Variants in DOCK5 observed in about 807,000 individuals in gnomAD.
DOCK5 encodes the protein dedicator of cytokinesis 5.
A neutral mutation model predicts 251.8 loss-of-function variants in DOCK5; 142 were observed. That is an observed-to-expected ratio of 0.56 (90% CI 0.49 to 0.65). The LOEUF is 0.65. DOCK5 is among the 30% of genes least tolerant of loss of function. The pLI is 0.00. For synonymous variants in DOCK5, 842 were observed against 835.5 expected (o/e 1.01, Z -0.13); for missense variants, 2,111 against 2,312.3 (o/e 0.91, Z 1.79).
At position 25,345,715 on chromosome 8, in the gene DOCK5, C is replaced by T. The variant is rs77158594; in HGVS notation, c.2754+104C>T. On this transcript the variant is annotated intron_variant, in intron 26 of 51. Transcript: ENST00000276440. ...CCTATTCTCAGGTAGTTTCCAGCTCCGGTATTAGGGCAGGCTGTGCCCATT... is the reference window on the plus strand; with the variant it reads ...CCTATTCTCAGGTAGTTTCCAGCTCTGGTATTAGGGCAGGCTGTGCCCATT... The T allele has an allele frequency of 3.6e-3, 5,334 of 1,492,392 alleles. 178 individuals carry two copies. In the African/African-American group the frequency reaches 0.065, roughly 18 times the overall value. 92.4% of individuals were successfully genotyped at this position (1,492,392 alleles called of 1,614,324 possible).
At chr8:25,297,368 C>T (rs1163278880) in intron 7 of DOCK5, among the ~76,000 whole-genome samples, 4 of 152,168 alleles carry the variant, frequency 2.6e-5, no homozygotes, top group Admixed American at 6.5e-5. Flanking sequence ...AGCTGTTCTC[C>T]TGCCTCAGCC....
rs1418652674 is a variant in DOCK5, at chr8:25,321,005, C to T, written c.1568C>T (p.Thr523Ile). 2.5e-6 allele frequency: 4 copies of T among 1,613,440 alleles called. No homozygotes were observed. Among genetic ancestry groups the T allele is most frequent in the Non-Finnish European group, 3.4e-6 (4 of 1,179,722 alleles). The change falls in exon 16 of 52, where the codon ACA (threonine) becomes ATA (isoleucine). Residue 523 changes from threonine to isoleucine, a missense_variant. By Grantham distance (89) the Thr-to-Ile change is moderately conservative. Around this residue, in one of 3 missense-constraint regions of DOCK5, gnomAD observed 1,717 missense variants for 1,892.4 expected, o/e 0.91. Coordinates refer to ENST00000276440, the MANE Select transcript of DOCK5 (RefSeq NM_024940.8). The stretch of plus-strand genomic sequence containing the variant: ...GTATCCATTGCTATAGAAGAAGTCA[C>T]ACGCTGTCATATAAGATTTACCTTC... The part of the protein sequence containing the change: ...VKVSIAIEEV[T>I]RCHIRFTFRH...
At chr8:25,306,329 CATAAT>C (rs1804924081) in intron 11 of DOCK5, among the ~76,000 whole-genome samples, 2 of 152,072 alleles carry the variant, frequency 1.3e-5, no homozygotes, top group African/African-American at 4.8e-5. Flanking sequence ...TTGTTTTGTG[CATAAT>C]ATAAAACACT....
chr8:25,390,285 AAAGT>A lies in DOCK5; in HGVS notation c.4355+3_4355+6del, dbSNP rs1353297061. ...ATAAACCTGTTCCAGAGCAGATCTT[AAAGT>A]AAGTGGTTTTTCATTTAAAAAAAAA... is the stretch of plus-strand genomic sequence containing the variant. On this transcript the variant is annotated splice_donor_variant and coding_sequence_variant, in exon 42 of 52. Coordinates refer to ENST00000276440, the MANE Select transcript of DOCK5 (RefSeq NM_024940.8). LOFTEE classifies it high-confidence loss of function. 2 of 1,567,520 alleles carry A rather than the reference AAAGT, an allele frequency of 1.3e-6. No individual in the cohort carries two copies. Among genetic ancestry groups the A allele is most frequent in the Admixed American group, 1.9e-5 (1 of 52,834 alleles).
At chr8:25,266,924 G>A (rs545814095) in intron 2 of DOCK5, among the ~76,000 whole-genome samples, 74 of 152,226 alleles carry the variant, frequency 4.9e-4, no homozygotes, top group African/African-American at 1.7e-3. Flanking sequence ...GTTTACAAAC[G>A]TACAGATAAA....
Position 25,261,430 on chromosome 8 carries a change from C to T in DOCK5, c.128-7415C>T, listed in dbSNP as rs111679903. Among the ~76,000 whole-genome samples the T allele has an allele frequency of 4.0e-3, 604 of 152,234 alleles. 6 individuals carry two copies. Among genetic ancestry groups the T allele is most frequent in the African/African-American group, 0.014 (573 of 41,528 alleles). On this transcript the variant is annotated intron_variant, in intron 2 of 51. Coordinates refer to ENST00000276440, the MANE Select transcript of DOCK5 (RefSeq NM_024940.8). ...ATGTCTTTGGGAAGACAAAATACCA[C>T]GTAAAGTAATGGAGAAATAGTTCTG...
chr8:25,225,891 G>A (rs992003095), intron 1 of DOCK5, among the ~76,000 whole-genome samples: 1 of 152,166 alleles, frequency 6.6e-6, no homozygotes, highest in Non-Finnish European at 1.5e-5. Flanking sequence ...GTGGGAGTCT[G>A]GAGAGTGAAT....
chr8:25,268,153 G>T (rs1403603133), intron 2 of DOCK5, among the ~76,000 whole-genome samples: 2 of 151,994 alleles, frequency 1.3e-5, no homozygotes, highest in African/African-American at 4.8e-5. Flanking sequence ...GAGCCACCGT[G>T]CCCGGCTGGA....
chr8:25,221,884 C>G (rs192334951), intron 1 of DOCK5, among the ~76,000 whole-genome samples: 74 of 152,278 alleles, frequency 4.9e-4, no homozygotes, highest in African/African-American at 1.8e-3. Context: ...TATATCCAGG[C>G]TCACCTAATG....
At position 25,342,465 on chromosome 8, in the gene DOCK5, T is replaced by C; in HGVS notation, c.2575T>C (p.Cys859Arg). 1 of 1,600,872 alleles carries C rather than the reference T, an allele frequency of 6.2e-7. No individual in the cohort carries two copies. The highest frequency in any genetic ancestry group is 8.5e-7 in the Non-Finnish European group (1 of 1,172,678). The change falls in exon 25 of 52, where the codon TGC becomes CGC. Residue 859 changes from cysteine (C) to arginine (R), a missense_variant. Cys to Arg is a radical substitution (Grantham distance 180, BLOSUM62 -3). Coordinates refer to ENST00000276440, the MANE Select transcript of DOCK5 (RefSeq NM_024940.8). ...CCAGCTGGTTCGGCAGAAACTTAAC[T>C]GCATGACCAAGATAGTAGAGAGCAC... ...DNQLVRQKLN[C>R]MTKIVESTLF...
Position 25,310,566 on chromosome 8 carries a change from C to T in DOCK5, c.1318+34C>T, listed in dbSNP as rs374320169. On this transcript the variant is annotated intron_variant, in intron 13 of 51. Transcript: ENST00000276440. ...TTTGCATGGCTCACCTGTTTGCTTC[C>T]TCCTGTTCAGCGATTATTTCTTATT... 2,242 of 1,567,130 alleles carry T rather than the reference C, an allele frequency of 1.4e-3. 5 individuals carry two copies. Among genetic ancestry groups the T allele is most frequent in the Non-Finnish European group, 1.7e-3 (1,998 of 1,156,684 alleles).
In DOCK5 at chr8:25,400,102, T is replaced by G; in HGVS notation, c.4788+108T>G. The G allele has an allele frequency of 9.4e-6, 8 of 853,232 alleles. No individual in the cohort carries two copies. The South Asian group carries it at 1.3e-4, about 14-fold the overall frequency. The allele number at this position is 853,232 out of a possible 1,614,324, so 52.9% of individuals were successfully genotyped here. On this transcript the variant is annotated intron_variant, in intron 46 of 51. Coordinates refer to ENST00000276440, the MANE Select transcript of DOCK5 (RefSeq NM_024940.8). ...CCACTCAGGGTGACTTTTCTTTCTTTTTTTAACCCTTGTGAAAGCACCACC... is the reference window on the plus strand; with the variant it reads ...CCACTCAGGGTGACTTTTCTTTCTTGTTTTAACCCTTGTGAAAGCACCACC...
chr8:25,373,001 ATTTTT>A (rs36091443), intron 35 of DOCK5, among the ~76,000 whole-genome samples: 1 of 141,356 alleles, frequency 7.1e-6, no homozygotes. Flanking sequence ...AGTTTTGGGG[ATTTTT>A]TTTTTTTTTT....
At chr8:25,346,799 G>A (rs112824069) in intron 26 of DOCK5, among the ~76,000 whole-genome samples, 1 of 150,810 alleles carries the variant, frequency 6.6e-6, no homozygotes, top group Non-Finnish European at 1.5e-5. Context: ...ACTCCAGCCT[G>A]GGTAATAGAT....
intron 22 of DOCK5, among the ~76,000 whole-genome samples, chr8:25,339,814 A>G (rs1805905275): frequency 6.6e-6 from 1 of 152,214 alleles, no homozygotes; most frequent in Admixed American, 6.5e-5. Context: ...TTGGGGGACA[A>G]CTAGAGAAGT....
chr8:25,356,424 G>A (rs1281912551), intron 27 of DOCK5, among the ~76,000 whole-genome samples: 1 of 152,118 alleles, frequency 6.6e-6, no homozygotes, highest in Non-Finnish European at 1.5e-5. Flanking sequence ...CTAGCACTTC[G>A]GGAGGCTGAA....
At chr8:25,259,167 A>G (rs1012552271) in intron 2 of DOCK5, among the ~76,000 whole-genome samples, 3 of 152,176 alleles carry the variant, frequency 2.0e-5, no homozygotes, top group Non-Finnish European at 4.4e-5. Context: ...ATAAAGCCAG[A>G]AGACTTATCT....
intron 13 of DOCK5, among the ~76,000 whole-genome samples, chr8:25,312,728 G>T (rs553164265): frequency 1.4e-5 from 2 of 138,480 alleles, no homozygotes; most frequent in African/African-American, 2.7e-5. Flanking sequence ...GCACCACCGC[G>T]CTCCAGCATG....
At chr8:25,332,538 A>G (rs1805706941) in intron 19 of DOCK5, 65 bp from the exon 20 acceptor site, 2 of 1,394,258 alleles carry the variant, frequency 1.4e-6, no homozygotes, top group South Asian at 2.6e-5. Context: ...AGTTGTACCC[A>G]GATTTCTGTG....
Sources: allele counts gnomAD v4.1 joint callset (sites outside exome capture counted in the v4.1 genomes callset), GRCh38; gene constraint gnomAD v4.1.1; regional missense constraint gnomAD v4.1.1; transcripts MANE v1.5; gene names NCBI Gene and HGNC (gene_info 2026-07-23, HGNC 2026-07-21).